PINK1: variants seen among roughly 807,000 people sequenced by gnomAD.
PINK1 encodes the protein PTEN induced kinase 1.
PINK1 carries 58 observed loss-of-function variants against 56.0 expected under a neutral mutation model. The observed-to-expected ratio is 1.04, with a 90% CI of 0.84 to 1.29. PINK1 has a LOEUF of 1.29. Ranked by LOEUF, PINK1 falls within the 50% of genes most tolerant of loss-of-function variation. PINK1 has a pLI of 0.00. For missense variants in PINK1, 745 were observed against 777.9 expected (o/e 0.96, Z 0.50); for synonymous variants, 354 against 339.3 (o/e 1.04, Z -0.48).
intron 1 of PINK1, among the ~76,000 whole-genome samples, chr1:20,636,633 C>A (rs554971781): frequency 1.3e-5 from 2 of 152,198 alleles, no homozygotes; most frequent in African/African-American, 4.8e-5. Flanking sequence ...TGAGCCACCA[C>A]GCCCGGCCTG....
rs763185637 is a variant in PINK1 at position 20,648,605 on chromosome 1, C to T, written c.1224C>T (p.Gly408=). The T allele has an allele frequency of 5.6e-6, 9 of 1,613,892 alleles. No individual in the cohort carries two copies. In the East Asian group the frequency reaches 6.7e-5, roughly 12 times the overall value. The change falls in exon 6 of 8, where the codon GGC becomes GGT. Residue 408 remains glycine, a synonymous_variant. Coordinates refer to ENST00000321556, the MANE Select transcript of PINK1 (RefSeq NM_032409.3). ...LPFSSWYVDR[G]GNGCLMAPEV... ...TCAGCAGCTGGTACGTGGATCGGGGCGGAAACGGCTGTCTGATGGCCCCAG... is the reference window on the plus strand; with the variant it reads ...TCAGCAGCTGGTACGTGGATCGGGGTGGAAACGGCTGTCTGATGGCCCCAG...
chr1:20,635,499 T>TG (rs997498558), intron 1 of PINK1, among the ~76,000 whole-genome samples: 2 of 150,834 alleles, frequency 1.3e-5, no homozygotes, highest in Non-Finnish European at 3.0e-5. Flanking sequence ...AGACTCTGAC[T>TG]GGGGGGAGAA....
At position 20,649,088 on chromosome 1, in the gene PINK1, C is replaced by T. The variant is rs1570407855; in HGVS notation, c.1345C>T (p.Leu449Phe). 2 of 1,614,262 alleles carry T rather than the reference C, an allele frequency of 1.2e-6. No homozygotes were observed. The highest frequency in any genetic ancestry group is 1.7e-6 in the Non-Finnish European group (2 of 1,180,044). ...AGCCATCGCCTATGAAATCTTCGGG[C>T]TTGTCAATCCCTTCTACGGCCAGGG... ...VGAIAYEIFG[L>F]VNPFYGQGKA... The change falls in exon 7 of 8, where the codon CTT becomes TTT. Residue 449 changes from leucine (L) to phenylalanine (F), a missense_variant. Transcript: ENST00000321556.
At position 20,633,662 on chromosome 1, in the gene PINK1, G is replaced by A. The variant is rs758019868; in HGVS notation, c.114G>A (p.Ala38=). 9.6e-6 allele frequency: 13 copies of A among 1,347,292 alleles called. No individual in the cohort carries two copies. Among genetic ancestry groups the A allele is most frequent in the South Asian group, 1.9e-5 (1 of 52,344 alleles). The allele number at this position is 1,347,292 out of a possible 1,614,324, so 83.5% of individuals were successfully genotyped here. A position where few individuals can be genotyped will look rare whatever the true frequency, so the allele number is the denominator to read the frequency against. Residue 38 remains alanine (A), a synonymous_variant, in exon 1 of 8, where the codon GCG becomes GCA. Transcript: ENST00000321556. Reference sequence around the variant, plus strand: ...GCTTGGGGCGGCCGGGCCCGGCGGCGGGCTGTGTCCGCGGGGAGCGTCCAG... The same window carrying A: ...GCTTGGGGCGGCCGGGCCCGGCGGCAGGCTGTGTCCGCGGGGAGCGTCCAG... The part of the protein sequence containing the change: ...AYGLGRPGPA[A]GCVRGERPGW...
intron 1 of PINK1, among the ~76,000 whole-genome samples, chr1:20,636,436 G>A (rs1243561080): frequency 2.0e-5 from 3 of 151,654 alleles, no homozygotes; most frequent in Non-Finnish European, 4.4e-5. Flanking sequence ...CCACCTCCCA[G>A]ATTCACGCAA....
In PINK1 at chr1:20,633,946, C is replaced by T. The variant is rs765916107; in HGVS notation, c.387+11C>T. ...TGTCAGGAGATCCAGGTGAGCGGGG[C>T]CGGGTCCTAAGCCGAGCGGAGGACG... On this transcript the variant is annotated intron_variant, in intron 1 of 7. Coordinates refer to ENST00000321556, the MANE Select transcript of PINK1 (RefSeq NM_032409.3). The T allele has an allele frequency of 4.4e-6, 7 of 1,580,968 alleles. No homozygotes were observed. The highest frequency in any genetic ancestry group is 6.0e-6 in the Non-Finnish European group (7 of 1,167,654).
chr1:20,650,406 C>G, intron 7 of PINK1, 28 bp from the exon 8 acceptor site: 3 of 1,613,120 alleles, frequency 1.9e-6, no homozygotes, highest in Non-Finnish European at 2.5e-6. Context: ...AACAGATGTT[C>G]TAGCTACAGC....
chr1:20,650,853 G>A lies in PINK1; in HGVS notation c.*162G>A. ...TTGGCAAATGGAAGAACTTGAGTGA[G>A]AGTTCAGTCTGCAGTCCTCTGCTCA... is the stretch of plus-strand genomic sequence containing the variant. On this transcript the variant is annotated 3_prime_UTR_variant, in exon 8 of 8. Transcript: ENST00000321556. 2.2e-6 allele frequency: 2 copies of A among 915,412 alleles called. No individual in the cohort carries two copies. Among genetic ancestry groups the A allele is most frequent in the South Asian group, 1.5e-5 (1 of 65,564 alleles). 56.7% of individuals were successfully genotyped at this position (915,412 alleles called of 1,614,324 possible).
Position 20,650,330 on chromosome 1 carries a change from A to G in PINK1, c.1489-104A>G, listed in dbSNP as rs1046151470. ...CAGTAGGAGATAGGGTAGAGGAAGA[A>G]TTGGGTTGGGACCAGAGAAGGGAAG... On this transcript the variant is annotated intron_variant, in intron 7 of 7. Coordinates refer to ENST00000321556, the MANE Select transcript of PINK1 (RefSeq NM_032409.3). The G allele has an allele frequency of 2.7e-6, 4 of 1,460,992 alleles. No homozygotes were observed. The African/African-American group carries it at 5.6e-5, about 20-fold the overall frequency. 90.5% of individuals were successfully genotyped at this position (1,460,992 alleles called of 1,614,324 possible). A position where few individuals can be genotyped will look rare whatever the true frequency, so the allele number is the denominator to read the frequency against.
chr1:20,650,695 C>A lies in PINK1; in HGVS notation c.*4C>A. 1 of 1,613,078 alleles carries A rather than the reference C, an allele frequency of 6.2e-7. No homozygotes were observed. Among genetic ancestry groups the A allele is most frequent in the Non-Finnish European group, 8.5e-7 (1 of 1,179,982 alleles). ...CTCATGGAGGGCAGCCCTGTGATGT[C>A]CCTGCATGGAGCTGGTGAATTACTA... On this transcript the variant is annotated 3_prime_UTR_variant, in exon 8 of 8. Coordinates refer to ENST00000321556, the MANE Select transcript of PINK1 (RefSeq NM_032409.3).
intron 1 of PINK1, among the ~76,000 whole-genome samples, chr1:20,635,493 T>A (rs900049930): frequency 2.0e-5 from 3 of 151,262 alleles, no homozygotes; most frequent in African/African-American, 7.3e-5. Flanking sequence ...AGAGCAAGAC[T>A]CTGACTGGGG....
In PINK1 at chr1:20,645,725, TA is replaced by T. The variant is rs757394364; in HGVS notation, c.1123+3del. On this transcript the variant is annotated splice_donor_region_variant and intron_variant, in intron 5 of 7. Transcript: ENST00000321556. Reference sequence around the variant, plus strand: ...ACATCCTTGTGGAGCTGGACCCAGGTAGGAACCTGCTGCACCATCAGAGCTC... The same window carrying T: ...ACATCCTTGTGGAGCTGGACCCAGGTGGAACCTGCTGCACCATCAGAGCTC... 2 of 1,614,034 alleles carry T rather than the reference TA, an allele frequency of 1.2e-6. No homozygotes were observed. The highest frequency in any genetic ancestry group is 2.2e-5 in the South Asian group (2 of 91,072).
At position 20,650,783 on chromosome 1, in the gene PINK1, C is replaced by T. The variant is rs1333606204; in HGVS notation, c.*92C>T. ...AATGGTGAGGGTGGGAGTCAGGAGA[C>T]AAGACAGCGCAGAGAGGGCTGGTTA... On this transcript the variant is annotated 3_prime_UTR_variant, in exon 8 of 8. Coordinates refer to ENST00000321556, the MANE Select transcript of PINK1 (RefSeq NM_032409.3). The T allele has an allele frequency of 7.2e-6, 11 of 1,517,574 alleles. No individual in the cohort carries two copies. Among genetic ancestry groups the T allele is most frequent in the African/African-American group, 2.7e-5 (2 of 72,848 alleles). The allele number at this position is 1,517,574 out of a possible 1,614,324, so 94.0% of individuals were successfully genotyped here. A position where few individuals can be genotyped will look rare whatever the true frequency, so the allele number is the denominator to read the frequency against.
chr1:20,634,877 A>T (rs1389327700), intron 1 of PINK1, among the ~76,000 whole-genome samples: 1 of 152,194 alleles, frequency 6.6e-6, no homozygotes, highest in Non-Finnish European at 1.5e-5. Context: ...CCAAGGACAC[A>T]GCTGTTAGGG....
At chr1:20,642,382 G>C (rs556602759) in intron 3 of PINK1, among the ~76,000 whole-genome samples, 1 of 152,322 alleles carries the variant, frequency 6.6e-6, no homozygotes, top group East Asian at 1.9e-4. Context: ...GGAGGTTTAA[G>C]GGGTGGATTC....
intron 3 of PINK1, chr1:20,643,045 G>C (rs961246697): frequency 3.3e-5 from 5 of 152,378 alleles, no homozygotes; most frequent in African/African-American, 1.2e-4. Context: ...TCCTGTTCCT[G>C]CTTCCCTTTG....
intron 1 of PINK1, 55 bp from the exon 2 acceptor site, chr1:20,637,787 T>C (rs1347215146): frequency 6.2e-7 from 1 of 1,603,134 alleles, no homozygotes; most frequent in African/African-American, 1.3e-5. Context: ...CTGTTTCCCT[T>C]TTCTTGGGCC....
At chr1:20,648,410 G>A (rs2053214525) in intron 5 of PINK1, 95 bp from the exon 6 acceptor site, 1 of 1,562,578 alleles carries the variant, frequency 6.4e-7, no homozygotes. Flanking sequence ...GCCCCTGTCA[G>A]CTATGTCTTG....
At chr1:20,646,108 CA>C (rs112013098) in intron 5 of PINK1, among the ~76,000 whole-genome samples, 6 of 146,108 alleles carry the variant, frequency 4.1e-5, no homozygotes, top group East Asian at 2.0e-4. Context: ...CCCTTCTCTA[CA>C]AAAAAAAAAT....
Sources: allele counts gnomAD v4.1 joint callset (sites outside exome capture counted in the v4.1 genomes callset), GRCh38; gene constraint gnomAD v4.1.1; transcripts MANE v1.5; gene names NCBI Gene and HGNC (gene_info 2026-07-23, HGNC 2026-07-21).